C2orf49: variants seen among roughly 807,000 people sequenced by gnomAD.
C2orf49 encodes the protein tRNA-splicing ligase complex subunit ASW.
A neutral mutation model predicts 20.6 loss-of-function variants in C2orf49; 11 were observed. The observed-to-expected ratio is 0.53, with a 90% confidence interval of 0.34 to 0.88. The LOEUF (loss-of-function observed/expected upper bound fraction) is 0.88, where lower values mean the gene tolerates loss of function less well. Among genes scored for constraint, C2orf49 ranks in the 40% least tolerant of loss-of-function variants. The pLI, the probability that C2orf49 is intolerant of heterozygous loss-of-function variation, is 0.02. For synonymous variants in C2orf49, 134 were observed against 108.5 expected, an observed-to-expected ratio of 1.24 and a Z score of -1.46; for missense variants, 289 against 274.2, an observed-to-expected ratio of 1.05 and a Z score of -0.38.
At chr2:105,372,728 G>T in the C2orf49 span, among the ~76,000 whole-genome samples, 1 of 151,970 alleles carries the variant, frequency 6.6e-6, no homozygotes, top group Non-Finnish European at 1.5e-5. Flanking sequence ...GGCAGAGGTT[G>T]CAGTGAGTCA....
the C2orf49 span, chr2:105,361,183 A>G: frequency 5.7e-6 from 7 of 1,225,734 alleles, no homozygotes; most frequent in Non-Finnish European, 8.1e-6. Context: ...GAAAGTCTCA[A>G]TGTGGCTGGA....
chr2:105,378,998 C>T, the C2orf49 span, among the ~76,000 whole-genome samples: 1 of 152,142 alleles, frequency 6.6e-6, no homozygotes, highest in Non-Finnish European at 1.5e-5. Flanking sequence ...GTCCACATCT[C>T]TTGTATCACT....
At chr2:105,343,330 C>T in intron 3 of C2orf49, 107 bp downstream of exon 3, 3 of 1,068,172 alleles carry the variant, frequency 2.8e-6, no homozygotes, top group Non-Finnish European at 4.0e-6. Context: ...GTTCTTGAAC[C>T]CTTTTGATGG....
the C2orf49 span, among the ~76,000 whole-genome samples, chr2:105,366,380 C>G: frequency 6.6e-6 from 1 of 152,140 alleles, no homozygotes; most frequent in African/African-American, 2.4e-5. Flanking sequence ...AGGGTAGAGG[C>G]CCCAAGGGCA....
chr2:105,345,230 TA>T, intron 3 of C2orf49, 84 bp from the exon 4 acceptor site: 1 of 1,223,866 alleles, frequency 8.2e-7, no homozygotes, highest in Non-Finnish European at 1.2e-6. Context: ...ACATTAATAG[TA>T]AACCTTGGTT....
the C2orf49 span, chr2:105,374,042 C>A: frequency 7.7e-6 from 3 of 390,880 alleles, no homozygotes; most frequent in African/African-American, 4.1e-5. Context: ...GAAAGAGAAA[C>A]AGAAAACATG....
chr2:105,363,048 C>T, the C2orf49 span: 1 of 501,134 alleles, frequency 2.0e-6, no homozygotes, highest in Admixed American at 3.6e-5. Context: ...AGAAACTAAA[C>T]TGGAGCACTG....
the C2orf49 span, among the ~76,000 whole-genome samples, chr2:105,384,876 C>G: frequency 6.6e-6 from 1 of 152,170 alleles, no homozygotes; most frequent in African/African-American, 2.4e-5. Context: ...CAAGGCCACA[C>G]AGCAAGTGAG....
the C2orf49 span, among the ~76,000 whole-genome samples, chr2:105,362,505 C>T: frequency 6.6e-6 from 1 of 152,160 alleles, no homozygotes; most frequent in Admixed American, 6.5e-5. Context: ...AGCCAGGCCA[C>T]CGGGTACTCC....
the C2orf49 span, among the ~76,000 whole-genome samples, chr2:105,371,556 C>CTCTT: frequency 7.7e-6 from 1 of 129,626 alleles, no homozygotes; most frequent in Non-Finnish European, 1.7e-5. Flanking sequence ...ATCTCTCTCT[C>CTCTT]TCTCTCTCTC....
At chr2:105,338,484 G>A (rs893835597) in intron 1 of C2orf49, among the ~76,000 whole-genome samples, 2 of 152,102 alleles carry the variant, frequency 1.3e-5, no homozygotes, top group Non-Finnish European at 2.9e-5. Flanking sequence ...CAGATTGTTG[G>A]GCTCCGTCCT....
At chr2:105,343,577 G>A (rs935734995) in intron 3 of C2orf49, among the ~76,000 whole-genome samples, 27 of 152,228 alleles carry the variant, frequency 1.8e-4, no homozygotes, top group African/African-American at 6.5e-4. Flanking sequence ...TAAGTAATTT[G>A]TCCAGGGTCA....
the C2orf49 span, among the ~76,000 whole-genome samples, chr2:105,369,624 T>A: frequency 6.6e-6 from 1 of 152,236 alleles, no homozygotes; most frequent in Non-Finnish European, 1.5e-5. Flanking sequence ...AAACATTACA[T>A]GAAGCAATTG....
rs1293438573 is a variant in C2orf49 at position 105,346,834 on chromosome 2, AT to A, written c.*1464del. 2.0e-5 allele frequency: 3 copies of A among 152,212 alleles called. No homozygotes were observed. The highest frequency in any genetic ancestry group is 1.3e-4 in the Admixed American group (2 of 15,280). The allele number at this position is 152,212 out of a possible 1,614,324, so 9.4% of individuals were successfully genotyped here. On this transcript the variant is annotated 3_prime_UTR_variant, in exon 4 of 4. Coordinates refer to ENST00000258457, the MANE Select transcript of C2orf49 (RefSeq NM_024093.3). ...TGAGTGGTATTTTCACTCCAATTGT[AT>A]AATGGAAATCAGTGGGAAAATAGGG...
chr2:105,349,319 A>G (rs1679886269), downstream of C2orf49: 1 of 151,682 alleles, frequency 6.6e-6, no homozygotes, highest in Non-Finnish European at 1.5e-5. Context: ...GCAGCCTTGA[A>G]CTCCTTGGCT....
At chr2:105,367,727 A>G in the C2orf49 span, 2 of 1,613,850 alleles carry the variant, frequency 1.2e-6, no homozygotes, top group South Asian at 1.1e-5. Flanking sequence ...CTTGTACTCC[A>G]TCTTGCGGGT....
At chr2:105,379,059 G>T in the C2orf49 span, among the ~76,000 whole-genome samples, 3 of 152,268 alleles carry the variant, frequency 2.0e-5, no homozygotes, top group South Asian at 6.2e-4. Flanking sequence ...TGATTAAATT[G>T]CTTGGTTATT....
chr2:105,337,605 C>A lies in C2orf49; in HGVS notation c.18C>A (p.Gly6=), dbSNP rs780656337. ...CGACGACCATGGCGGGGGATGTGGG[C>A]GGTCGCAGCTGCACGGACTCGGAAC... MAGDV[G]GRSCTDSELL... is the part of the protein sequence containing the mutation. Residue 6 remains glycine (G), a synonymous_variant, in exon 1 of 4, where the codon GGC becomes GGA. Transcript: ENST00000258457. 2.5e-6 allele frequency: 4 copies of A among 1,612,406 alleles called. No homozygotes were observed. Among genetic ancestry groups the A allele is most frequent in the African/African-American group, 2.7e-5 (2 of 74,714 alleles).
chr2:105,363,554 A>C, the C2orf49 span: 1 of 1,290,608 alleles, frequency 7.7e-7, no homozygotes, highest in Non-Finnish European at 1.1e-6. Context: ...TGGACGATGC[A>C]AGATCCTCAT....
Sources: allele counts gnomAD v4.1 joint callset (sites outside exome capture counted in the v4.1 genomes callset), GRCh38; gene constraint gnomAD v4.1.1; transcripts MANE v1.5; gene names NCBI Gene and HGNC (gene_info 2026-07-23, HGNC 2026-07-21).